The following SFMBT2 variants were observed in gnomAD, a reference collection of about 807,000 sequenced individuals.
SFMBT2 encodes Scm like with four mbt domains 2, also known as scm-like with four MBT domains protein 2.
SFMBT2 carries 38 observed loss-of-function variants against 110.1 expected under a neutral mutation model. The observed-to-expected ratio is 0.35, with a 90% CI of 0.27 to 0.45. SFMBT2 has a LOEUF of 0.45. Ranked by LOEUF, SFMBT2 falls within the 20% of genes least tolerant of loss-of-function variation. SFMBT2 has a pLI of 1.00. For synonymous variants in SFMBT2, 425 were observed against 425.4 expected (o/e 1.00, Z 0.01); for missense variants, 1,011 against 1,094.9 (o/e 0.92, Z 1.08).
At chr10:7,198,891 A>G (rs1838861440) in intron 14 of SFMBT2, among the ~76,000 whole-genome samples, 1 of 152,144 alleles carries the variant, frequency 6.6e-6, no homozygotes, top group African/African-American at 2.4e-5. Flanking sequence ...AAATACAAAA[A>G]TTAGCCGGGC....
At chr10:7,253,962 A>G (rs1840906717) in intron 7 of SFMBT2, among the ~76,000 whole-genome samples, 1 of 152,226 alleles carries the variant, frequency 6.6e-6, no homozygotes, top group Non-Finnish European at 1.5e-5. Flanking sequence ...CTGCTACTCT[A>G]ATGTTTATAT....
chr10:7,319,660 GAGAGAGAGAC>G (rs1358237527), intron 4 of SFMBT2, among the ~76,000 whole-genome samples: 1 of 151,928 alleles, frequency 6.6e-6, no homozygotes, highest in Non-Finnish European at 1.5e-5. Context: ...GACAGAGAGA[GAGAGAGAGAC>G]AGAGAGAGAC....
chr10:7,256,340 C>G (rs778997837), intron 7 of SFMBT2, among the ~76,000 whole-genome samples: 47 of 152,316 alleles, frequency 3.1e-4, no homozygotes, highest in South Asian at 8.3e-4. Context: ...ACTTAAAGCC[C>G]CCTAGAATTT....
At position 7,284,108 on chromosome 10, in the gene SFMBT2, A is replaced by C; in HGVS notation, c.568T>G (p.Ser190Ala). ...KGPIDLITVG[S>A]LIELQDSQNP... ...TGGGAATCCTGAAGTTCTATTAAGGAACCAACTGTAATGAGGTCTATAGGG... is the reference window on the plus strand; with the variant it reads ...TGGGAATCCTGAAGTTCTATTAAGGCACCAACTGTAATGAGGTCTATAGGG... Residue 190 changes from serine to alanine, a missense_variant, in exon 6 of 21, where the codon TCC becomes GCC. By Grantham distance (99) the Ser-to-Ala change is moderately conservative. Coordinates refer to ENST00000397167, the MANE Select transcript of SFMBT2 (RefSeq NM_001387889.1). 1 of 1,614,232 alleles carries C rather than the reference A, an allele frequency of 6.2e-7. No individual in the cohort carries two copies. The highest frequency in any genetic ancestry group is 8.5e-7 in the Non-Finnish European group (1 of 1,180,038).
At chr10:7,263,781 C>T (rs924929943) in intron 7 of SFMBT2, among the ~76,000 whole-genome samples, 2 of 152,180 alleles carry the variant, frequency 1.3e-5, no homozygotes, top group Non-Finnish European at 1.5e-5. Context: ...AACCAGTCAC[C>T]ATAGAAACTG....
At chr10:7,238,492 G>A (rs1219575759) in intron 9 of SFMBT2, among the ~76,000 whole-genome samples, 2 of 152,186 alleles carry the variant, frequency 1.3e-5, no homozygotes, top group African/African-American at 4.8e-5. Flanking sequence ...AAACGTGAGT[G>A]ACAAAATGGA....
chr10:7,251,262 T>G (rs1006295677), intron 7 of SFMBT2, among the ~76,000 whole-genome samples: 6 of 150,686 alleles, frequency 4.0e-5, no homozygotes, highest in African/African-American at 1.5e-4. Context: ...GATCACGAGG[T>G]CAGGAGTTCG....
intron 14 of SFMBT2, 94 bp downstream of exon 14, chr10:7,200,320 A>G (rs1003808732): frequency 2.1e-6 from 2 of 947,070 alleles, no homozygotes; most frequent in East Asian, 5.7e-5. Flanking sequence ...CTCAACGTTG[A>G]GATGTATTCA....
intron 1 of SFMBT2, among the ~76,000 whole-genome samples, chr10:7,391,816 G>A (rs558911518): frequency 2.0e-5 from 3 of 152,076 alleles, no homozygotes; most frequent in South Asian, 2.1e-4. Flanking sequence ...CAGAGAATTC[G>A]GAATTCCAAT....
intron 7 of SFMBT2, among the ~76,000 whole-genome samples, chr10:7,263,763 G>A (rs1841293532): frequency 6.6e-6 from 1 of 152,134 alleles, no homozygotes; most frequent in South Asian, 2.1e-4. Context: ...CTGAATAAGG[G>A]AAAAAGAAAC....
chr10:7,276,849 T>A (rs775008823), intron 7 of SFMBT2, 43 bp downstream of exon 7: 2 of 840,604 alleles, frequency 2.4e-6, no homozygotes, highest in Admixed American at 3.4e-5. Flanking sequence ...GATGATTTTA[T>A]TCTCAAAAAG....
intron 4 of SFMBT2, among the ~76,000 whole-genome samples, chr10:7,305,551 T>C (rs1842668993): frequency 6.6e-6 from 1 of 152,228 alleles, no homozygotes; most frequent in Non-Finnish European, 1.5e-5. Context: ...TGCACCATTA[T>C]GGTAGGCATG....
chr10:7,242,920 A>G (rs1270848172), intron 9 of SFMBT2, among the ~76,000 whole-genome samples: 3 of 152,118 alleles, frequency 2.0e-5, no homozygotes, highest in African/African-American at 4.8e-5. Context: ...TCTTCTTACT[A>G]TACCTTTATT....
intron 9 of SFMBT2, 73 bp downstream of exon 9, chr10:7,243,485 C>A: frequency 1.2e-6 from 1 of 834,056 alleles, no homozygotes; most frequent in South Asian, 1.4e-5. Flanking sequence ...CAGATTAATG[C>A]AGGTGTTACT....
At chr10:7,368,304 T>C in intron 3 of SFMBT2, 1 of 983,694 alleles carries the variant, frequency 1.0e-6, no homozygotes, top group South Asian at 4.7e-5. Context: ...GACCACATGA[T>C]AGGGGCTATT....
chr10:7,164,896 A>C (rs180774670), intron 20 of SFMBT2, among the ~76,000 whole-genome samples: 1 of 152,248 alleles, frequency 6.6e-6, no homozygotes, highest in African/African-American at 2.4e-5. Context: ...ACAGGGCATG[A>C]AGACATTCAT....
At chr10:7,198,614 T>C (rs1350575576) in intron 14 of SFMBT2, among the ~76,000 whole-genome samples, 2 of 152,234 alleles carry the variant, frequency 1.3e-5, no homozygotes, top group Non-Finnish European at 2.9e-5. Context: ...GACGGTGAAG[T>C]AGACCTCACT....
chr10:7,240,823 T>C lies in SFMBT2; in HGVS notation c.1120+2735A>G, dbSNP rs74613715. Among the ~76,000 whole-genome samples, 407 of 152,340 alleles carry C rather than the reference T, an allele frequency of 2.7e-3. 6 individuals are homozygous for C. Among genetic ancestry groups the C allele is most frequent in the African/African-American group, 9.4e-3 (392 of 41,590 alleles). On this transcript the variant is annotated intron_variant, in intron 9 of 20. Coordinates refer to ENST00000397167, the MANE Select transcript of SFMBT2 (RefSeq NM_001387889.1). The stretch of plus-strand genomic sequence containing the variant: ...TGTGCTCTTCTGAGGTTATTCTTTG[T>C]CCACACTCCTGTAAGTTGCTGGTCT...
At chr10:7,317,660 T>G (rs1166397498) in intron 4 of SFMBT2, among the ~76,000 whole-genome samples, 3 of 37,304 alleles carry the variant, frequency 8.0e-5, no homozygotes, top group African/African-American at 2.0e-4. Context: ...AAAAAAAAAG[T>G]ACACATCAGC....
Sources: allele counts gnomAD v4.1 joint callset (sites outside exome capture counted in the v4.1 genomes callset), GRCh38; gene constraint gnomAD v4.1.1; transcripts MANE v1.5; gene names NCBI Gene and HGNC (gene_info 2026-07-23, HGNC 2026-07-21).